The following RASAL2 variants were observed in gnomAD, a reference collection of about 807,000 sequenced individuals.
RASAL2 encodes RAS protein activator like 2, also known as ras GTPase-activating protein nGAP.
RASAL2 carries 58 observed loss-of-function variants against 128.9 expected under a neutral mutation model. That is an observed-to-expected ratio of 0.45 (90% CI 0.36 to 0.56). The LOEUF (loss-of-function observed/expected upper bound fraction) is 0.56. Ranked by LOEUF, RASAL2 falls within the 20% of genes least tolerant of loss-of-function variation. The probability of loss-of-function intolerance (pLI) is 0.00; values close to 1 mark genes in which losing one functional copy is unlikely to be tolerated. For synonymous variants in RASAL2, 561 were observed against 580.8 expected, an observed-to-expected ratio of 0.97 and a Z score of 0.49; for missense variants, 1,360 against 1,601.6, an observed-to-expected ratio of 0.85 and a Z score of 2.57.
chr1:178,396,139 C>G (rs1219491633), intron 4 of RASAL2, among the ~76,000 whole-genome samples: 1 of 151,952 alleles, frequency 6.6e-6, no homozygotes, highest in Non-Finnish European at 1.5e-5. Flanking sequence ...TACCAAGACT[C>G]TAAACTTGAA....
intron 17 of RASAL2, chr1:178,470,811 A>G (rs1239092806): frequency 1.8e-6 from 2 of 1,101,332 alleles, no homozygotes; most frequent in Admixed American, 4.3e-5. Flanking sequence ...AGCTCCTGCC[A>G]CTCCCCACAT....
intron 3 of RASAL2, among the ~76,000 whole-genome samples, chr1:178,388,225 C>T (rs1342227969): frequency 6.6e-6 from 1 of 152,112 alleles, no homozygotes; most frequent in Non-Finnish European, 1.5e-5. Context: ...TGCCCCTAGC[C>T]ACATAGAGTC....
At chr1:178,392,360 A>G (rs895480782) in intron 4 of RASAL2, among the ~76,000 whole-genome samples, 1 of 152,190 alleles carries the variant, frequency 6.6e-6, no homozygotes, top group African/African-American at 2.4e-5. Context: ...ACACACAGTC[A>G]TGGGATGACT....
chr1:178,458,328 A>G lies in RASAL2; in HGVS notation c.3036A>G (p.Arg1012=), dbSNP rs1677930752. The G allele has an allele frequency of 6.2e-7, 1 of 1,614,124 alleles. No individual in the cohort carries two copies. Among genetic ancestry groups the G allele is most frequent in the African/African-American group, 1.3e-5 (1 of 74,948 alleles). The change falls in exon 14 of 18, where the codon CGA becomes CGG. Residue 1012 remains arginine (R), a synonymous_variant. Transcript: ENST00000367649. ...RQNSTGQAQI[R]KVDQGGLGAR... is the part of the protein sequence containing the mutation. ...ATAGTACTGGGCAGGCCCAGATCCGAAAAGTGGACCAGGGTGGGTTAGGTG... is the reference window on the plus strand; with the variant it reads ...ATAGTACTGGGCAGGCCCAGATCCGGAAAGTGGACCAGGGTGGGTTAGGTG...
At chr1:178,207,858 G>A (rs543578995) in intron 1 of RASAL2, among the ~76,000 whole-genome samples, 2 of 152,078 alleles carry the variant, frequency 1.3e-5, no homozygotes, top group African/African-American at 4.8e-5. Flanking sequence ...TTCCACTATA[G>A]CATCCCCCAT....
intron 4 of RASAL2, among the ~76,000 whole-genome samples, chr1:178,408,645 T>C (rs994167841): frequency 9.2e-5 from 14 of 151,886 alleles, no homozygotes; most frequent in African/African-American, 3.2e-4. Context: ...CTCTTTTTTT[T>C]CCTCATATTT....
intron 1 of RASAL2, among the ~76,000 whole-genome samples, chr1:178,120,477 A>G (rs928950401): frequency 1.3e-5 from 2 of 152,218 alleles, no homozygotes; most frequent in Non-Finnish European, 2.9e-5. Flanking sequence ...TAAAATAATG[A>G]TGGGCTACAC....
At chr1:178,441,281 G>A (rs1462065248) in intron 6 of RASAL2, among the ~76,000 whole-genome samples, 6 of 152,052 alleles carry the variant, frequency 3.9e-5, no homozygotes, top group East Asian at 1.9e-4. Context: ...GTACATTTTC[G>A]TCAGAGGATG....
intron 3 of RASAL2, among the ~76,000 whole-genome samples, chr1:178,331,025 T>C (rs899470199): frequency 1.3e-5 from 2 of 152,224 alleles, no homozygotes; most frequent in African/African-American, 4.8e-5. Context: ...CAGCAATTAA[T>C]GAAACTGAGA....
chr1:178,354,474 T>C (rs1670692429), intron 3 of RASAL2, among the ~76,000 whole-genome samples: 1 of 152,194 alleles, frequency 6.6e-6, no homozygotes, highest in African/African-American at 2.4e-5. Flanking sequence ...CCACATTGTA[T>C]TGGAGGTCTC....
chr1:178,441,039 G>C (rs1347365798), intron 6 of RASAL2, among the ~76,000 whole-genome samples: 2 of 151,976 alleles, frequency 1.3e-5, no homozygotes, highest in Non-Finnish European at 2.9e-5. Context: ...CTGAACCATA[G>C]GCCAGTTTTA....
chr1:178,295,897 GCTTT>G (rs1667475642), intron 2 of RASAL2, among the ~76,000 whole-genome samples: 2 of 152,126 alleles, frequency 1.3e-5, no homozygotes, highest in African/African-American at 4.8e-5. Context: ...AATAAGAAGA[GCTTT>G]CTGATGCTAG....
At chr1:178,313,717 G>T (rs61009666) in intron 3 of RASAL2, among the ~76,000 whole-genome samples, 1 of 152,260 alleles carries the variant, frequency 6.6e-6, no homozygotes, top group East Asian at 1.9e-4. Context: ...TTACATTGAT[G>T]ACGACAGGTG....
chr1:178,270,388 T>C (rs993008215), intron 1 of RASAL2, among the ~76,000 whole-genome samples: 26 of 152,108 alleles, frequency 1.7e-4, no homozygotes, highest in Admixed American at 4.6e-4. Context: ...GTCTTTTTGA[T>C]CTATTTTCTT....
chr1:178,260,278 A>G (rs7533189), intron 1 of RASAL2, among the ~76,000 whole-genome samples: 37,281 of 140,562 alleles, frequency 0.27, 5,821 homozygotes, highest in African/African-American at 0.43. Context: ...CTTGAACCGG[A>G]GAGGCGGAGG....
At chr1:178,149,842 G>A (rs537836982) in intron 1 of RASAL2, among the ~76,000 whole-genome samples, 11 of 152,162 alleles carry the variant, frequency 7.2e-5, no homozygotes, top group East Asian at 5.8e-4. Flanking sequence ...TTAATTATCT[G>A]TTGTTTGACC....
chr1:178,410,111 A>G (rs1479920138), intron 4 of RASAL2, among the ~76,000 whole-genome samples: 3 of 152,168 alleles, frequency 2.0e-5, no homozygotes, highest in Non-Finnish European at 4.4e-5. Flanking sequence ...GCAGGAAAAA[A>G]CAAGGGACAG....
chr1:178,433,356 T>TCCTTTTTC (rs1220245433), intron 5 of RASAL2, among the ~76,000 whole-genome samples: 4 of 152,256 alleles, frequency 2.6e-5, no homozygotes, highest in African/African-American at 7.2e-5. Flanking sequence ...GAGCCTTTTT[T>TCCTTTTTC]GGCATCCTTT....
intron 1 of RASAL2, among the ~76,000 whole-genome samples, chr1:178,217,145 T>A (rs888438634): frequency 6.6e-6 from 1 of 151,926 alleles, no homozygotes; most frequent in Non-Finnish European, 1.5e-5. Flanking sequence ...CTGGCTAATT[T>A]TGTATTTTTA....
Sources: gnomAD v4.1 joint callset for allele counts (sites outside exome capture counted in the v4.1 genomes callset) on GRCh38, gnomAD v4.1.1 for gene constraint, MANE v1.5 for transcripts, NCBI Gene and HGNC (gene_info 2026-07-23, HGNC 2026-07-21) for gene names.